The following CHRM2 variants were observed in gnomAD, a reference collection of about 807,000 sequenced individuals.
CHRM2 encodes muscarinic acetylcholine receptor M2.
Under a neutral mutation model 25.0 loss-of-function variants are expected in CHRM2, and 8 were observed. The ratio of observed to expected loss-of-function variants is 0.32; its 90% confidence interval spans 0.19 to 0.58. The LOEUF (loss-of-function observed/expected upper bound fraction) is 0.58. CHRM2 is among the 20% of genes least tolerant of loss of function. The pLI, the probability that CHRM2 is intolerant of heterozygous loss-of-function variation, is 0.88. For synonymous variants in CHRM2, 202 were observed against 205.7 expected (o/e 0.98, Z 0.15); for missense variants, 440 against 567.1 (o/e 0.78, Z 2.28).
chr7:136,891,468 A>C (rs954298483), intron 2 of CHRM2, among the ~76,000 whole-genome samples: 17 of 152,228 alleles, frequency 1.1e-4, no homozygotes, highest in Non-Finnish European at 1.6e-4. Context: ...AGGACCACAG[A>C]AGATCAAAAG....
At chr7:136,893,026 TTC>T (rs904654432) in intron 2 of CHRM2, among the ~76,000 whole-genome samples, 1 of 152,066 alleles carries the variant, frequency 6.6e-6, no homozygotes, top group South Asian at 2.1e-4. Flanking sequence ...TCTTCTCTTG[TTC>T]TCTCTCTCTT....
intron 2 of CHRM2, among the ~76,000 whole-genome samples, chr7:136,962,764 AG>A (rs965779050): frequency 3.9e-5 from 6 of 152,316 alleles, no homozygotes; most frequent in African/African-American, 1.4e-4. Context: ...GAGCCAGAAA[AG>A]GTCTAATATG....
intron 2 of CHRM2, among the ~76,000 whole-genome samples, chr7:136,930,898 C>CA (rs57705639): frequency 0.033 from 2,023 of 60,970 alleles, 162 homozygotes; most frequent in Non-Finnish European, 0.047. Context: ...CTCATTCTCT[C>CA]AAAAAAAAAA....
intron 2 of CHRM2, among the ~76,000 whole-genome samples, chr7:136,909,433 T>C (rs1159417296): frequency 6.6e-6 from 1 of 151,908 alleles, no homozygotes; most frequent in African/African-American, 2.4e-5. Context: ...TATTTAACCT[T>C]CATTACAACT....
chr7:137,005,595 T>G (rs1309272177), intron 3 of CHRM2, among the ~76,000 whole-genome samples: 1 of 152,078 alleles, frequency 6.6e-6, no homozygotes, highest in Non-Finnish European at 1.5e-5. Context: ...CCTTTAAAGT[T>G]GTCCTTGACC....
In CHRM2 at chr7:137,009,514, G is replaced by A. The variant is rs536830165; in HGVS notation, c.-46-5306G>A. ...GCCCCAGTATTGTCCTGGACACAAT[G>A]ATTTTCACTCTGTGGTCTAAACCAA... is the stretch of plus-strand genomic sequence containing the variant. On this transcript the variant is annotated intron_variant, in intron 3 of 3. Coordinates refer to ENST00000680005, the MANE Select transcript of CHRM2 (RefSeq NM_001006630.2). 6.6e-5 allele frequency among the ~76,000 whole-genome samples: 10 copies of A among 152,130 alleles called. No homozygotes were observed. In the South Asian group the frequency reaches 1.9e-3, roughly 28 times the overall value.
intron 2 of CHRM2, among the ~76,000 whole-genome samples, chr7:136,986,804 A>G (rs1172113186): frequency 1.3e-5 from 2 of 152,164 alleles, no homozygotes; most frequent in South Asian, 4.1e-4. Context: ...CCTTGTCTAT[A>G]GGGACCGTTT....
chr7:136,938,185 T>A (rs2130805111), intron 2 of CHRM2: 1 of 735,446 alleles, frequency 1.4e-6, no homozygotes, highest in South Asian at 1.4e-5. Flanking sequence ...TCTGGAAGAG[T>A]CCATCGCACA....
At chr7:136,905,710 T>C (rs2130649732) in intron 2 of CHRM2, among the ~76,000 whole-genome samples, 1 of 151,722 alleles carries the variant, frequency 6.6e-6, no homozygotes. Context: ...TCTCTGCTTT[T>C]AAATTGGTAG....
chr7:136,956,069 C>G (rs139420781), intron 2 of CHRM2, among the ~76,000 whole-genome samples: 9 of 152,128 alleles, frequency 5.9e-5, no homozygotes, highest in Non-Finnish European at 1.2e-4. Context: ...ATATTAGATT[C>G]CAGTTCACTC....
intron 2 of CHRM2, among the ~76,000 whole-genome samples, chr7:136,943,898 A>G (rs1799914067): frequency 6.6e-6 from 1 of 152,166 alleles, no homozygotes; most frequent in Admixed American, 6.5e-5. Context: ...AGTTTAATAC[A>G]TATAGATAAC....
intron 2 of CHRM2, among the ~76,000 whole-genome samples, chr7:136,881,751 A>C (rs1002155984): frequency 2.6e-5 from 4 of 151,990 alleles, no homozygotes; most frequent in Non-Finnish European, 5.9e-5. Context: ...CTCTCTGTTG[A>C]AAGATTTAAG....
intron 2 of CHRM2, among the ~76,000 whole-genome samples, chr7:136,903,682 G>A (rs931700541): frequency 6.6e-6 from 1 of 151,716 alleles, no homozygotes; most frequent in African/African-American, 2.4e-5. Context: ...TAAATAATAC[G>A]CCTTCTGTTT....
At chr7:136,991,409 G>A (rs886901073) in intron 2 of CHRM2, among the ~76,000 whole-genome samples, 1 of 152,066 alleles carries the variant, frequency 6.6e-6, no homozygotes, top group Non-Finnish European at 1.5e-5. Context: ...CCATTGTATT[G>A]CCTATGCTCC....
chr7:136,927,993 T>C (rs994757337), intron 2 of CHRM2, among the ~76,000 whole-genome samples: 4 of 152,230 alleles, frequency 2.6e-5, no homozygotes, highest in African/African-American at 9.6e-5. Flanking sequence ...AGATTTGTCT[T>C]TACTTTTCAT....
chr7:136,979,741 A>C (rs1191762901), intron 2 of CHRM2, among the ~76,000 whole-genome samples: 1 of 152,196 alleles, frequency 6.6e-6, no homozygotes, highest in African/African-American at 2.4e-5. Flanking sequence ...GGTTTGTCAA[A>C]GATCAGACGA....
chr7:136,900,803 G>A (rs1416466611), intron 2 of CHRM2, among the ~76,000 whole-genome samples: 1 of 151,952 alleles, frequency 6.6e-6, no homozygotes, highest in African/African-American at 2.4e-5. Flanking sequence ...AGGGTGAGCA[G>A]AGTGGCCTTC....
intron 2 of CHRM2, among the ~76,000 whole-genome samples, chr7:136,925,689 T>C (rs1798707306): frequency 6.6e-6 from 1 of 152,162 alleles, no homozygotes; most frequent in East Asian, 1.9e-4. Flanking sequence ...CTCCTGTCTC[T>C]GCAGAAATAT....
chr7:136,961,892 C>T (rs1413697134), intron 2 of CHRM2, among the ~76,000 whole-genome samples: 2 of 151,928 alleles, frequency 1.3e-5, no homozygotes, highest in African/African-American at 4.8e-5. Context: ...AGGACAGGGG[C>T]GTGGATCCTA....
Sources: gnomAD v4.1 joint callset for allele counts (sites outside exome capture counted in the v4.1 genomes callset) on GRCh38, gnomAD v4.1.1 for gene constraint, MANE v1.5 for transcripts, NCBI Gene and HGNC (gene_info 2026-07-23, HGNC 2026-07-21) for gene names.